SYNPO2: variants seen among roughly 807,000 people sequenced by gnomAD.
SYNPO2 encodes the protein synaptopodin-2.
SYNPO2 carries 56 observed loss-of-function variants against 85.0 expected under a neutral mutation model. The observed-to-expected ratio is 0.66, with a 90% CI of 0.53 to 0.82. SYNPO2 has a LOEUF of 0.82. Among genes scored for constraint, SYNPO2 ranks in the 40% least tolerant of loss-of-function variants. The pLI is 0.00. For synonymous variants in SYNPO2, 602 were observed against 591.1 expected (o/e 1.02, Z -0.27); for missense variants, 1,575 against 1,534.2 (o/e 1.03, Z -0.44).
At chr4:119,013,451 C>G (rs966763287) in intron 1 of SYNPO2, among the ~76,000 whole-genome samples, 1 of 152,120 alleles carries the variant, frequency 6.6e-6, no homozygotes, top group Non-Finnish European at 1.5e-5. Context: ...GCCATACTAG[C>G]CATTTTTTAA....
At chr4:118,920,897 CTT>C (rs1327297096) in intron 1 of SYNPO2, among the ~76,000 whole-genome samples, 1 of 145,692 alleles carries the variant, frequency 6.9e-6, no homozygotes, top group Non-Finnish European at 1.5e-5. Flanking sequence ...TTCTTTTTTC[CTT>C]TTTTTTTTTC....
At chr4:118,900,703 C>CTATATATATATATATA (rs373144800) in intron 1 of SYNPO2, among the ~76,000 whole-genome samples, 57 of 43,856 alleles carry the variant, frequency 1.3e-3, no homozygotes, top group Non-Finnish European at 2.1e-3. Context: ...CTCTCTCTCT[C>CTATATATATATATATA]TATATATATA....
intron 1 of SYNPO2, among the ~76,000 whole-genome samples, chr4:118,939,310 G>A (rs1565474): frequency 0.75 from 114,462 of 152,150 alleles, 44,732 homozygotes; most frequent in South Asian, 0.89. Context: ...ATATCCAAGA[G>A]CACAGTCTTA....
At chr4:118,903,810 C>G (rs1315847499) in intron 1 of SYNPO2, among the ~76,000 whole-genome samples, 2 of 151,836 alleles carry the variant, frequency 1.3e-5, no homozygotes, top group Non-Finnish European at 2.9e-5. Flanking sequence ...CTCCCTGGTT[C>G]AAGTGATTCT....
intron 1 of SYNPO2, among the ~76,000 whole-genome samples, chr4:118,867,177 T>C (rs948888212): frequency 6.6e-6 from 1 of 152,200 alleles, no homozygotes; most frequent in Non-Finnish European, 1.5e-5. Flanking sequence ...CCCTGGGCCA[T>C]AGTTTGCGAA....
intron 1 of SYNPO2, among the ~76,000 whole-genome samples, chr4:118,924,964 A>C (rs556221615): frequency 1.1e-4 from 17 of 152,136 alleles, no homozygotes; most frequent in Non-Finnish European, 2.4e-4. Flanking sequence ...TAGGCACGTA[A>C]AGTCTATCAC....
chr4:118,952,108 T>C (rs1734721885), intron 1 of SYNPO2, among the ~76,000 whole-genome samples: 1 of 152,184 alleles, frequency 6.6e-6, no homozygotes, highest in Non-Finnish European at 1.5e-5. Flanking sequence ...GAGAAGTGCA[T>C]GAGTCCCCAA....
chr4:119,019,519 TTGTC>T (rs1737640207), intron 1 of SYNPO2, among the ~76,000 whole-genome samples: 1 of 151,938 alleles, frequency 6.6e-6, no homozygotes, highest in Admixed American at 6.6e-5. Context: ...AGTCATAATA[TTGTC>T]TGTTTTAATT....
At chr4:118,989,344 A>G (rs1198486538) in intron 1 of SYNPO2, among the ~76,000 whole-genome samples, 1 of 152,204 alleles carries the variant, frequency 6.6e-6, no homozygotes. Context: ...TGTAACTGGG[A>G]ATAGCTAAGG....
In SYNPO2 at chr4:119,030,356, C is replaced by CGAT. The variant is rs757582005; in HGVS notation, c.1583_1585dup (p.Asp528dup). On this transcript the variant is annotated inframe_insertion, in exon 4 of 5. Coordinates refer to ENST00000307142, the MANE Select transcript of SYNPO2 (RefSeq NM_133477.3). Reference sequence around the variant, plus strand: ...GCAGAGAACAAGATGCTGCCCAGACCGATGGCCTGAGAACCACGACTTCTT... The same window carrying CGAT: ...GCAGAGAACAAGATGCTGCCCAGACCGATGATGGCCTGAGAACCACGACTTCTT... 1.2e-5 allele frequency: 20 copies of CGAT among 1,613,920 alleles called. No individual in the cohort carries two copies. Among genetic ancestry groups the CGAT allele is most frequent in the Admixed American group, 1.7e-5 (1 of 59,986 alleles).
intron 1 of SYNPO2, among the ~76,000 whole-genome samples, chr4:118,950,696 G>A (rs1446240837): frequency 6.6e-6 from 1 of 152,208 alleles, no homozygotes; most frequent in Non-Finnish European, 1.5e-5. Flanking sequence ...TCACAGGCAA[G>A]TGGACTATCT....
chr4:118,961,102 C>T (rs1296132466), intron 1 of SYNPO2, among the ~76,000 whole-genome samples: 1 of 110,202 alleles, frequency 9.1e-6, no homozygotes, highest in African/African-American at 3.6e-5. Flanking sequence ...TTTTACCGCC[C>T]CCCCCCCACC....
At chr4:118,982,476 T>C (rs1402605668) in intron 1 of SYNPO2, among the ~76,000 whole-genome samples, 1 of 151,954 alleles carries the variant, frequency 6.6e-6, no homozygotes, top group Non-Finnish European at 1.5e-5. Context: ...TGGGGGTCAA[T>C]CCAGATGAAT....
At chr4:119,021,129 G>A (rs1215202019) in intron 1 of SYNPO2, among the ~76,000 whole-genome samples, 1 of 152,158 alleles carries the variant, frequency 6.6e-6, no homozygotes, top group Non-Finnish European at 1.5e-5. Flanking sequence ...TCTACAGATT[G>A]TAATTTATGA....
rs1007850070 is a variant in SYNPO2, at chr4:119,021,827, T to C, written c.106-1603T>C. Among the ~76,000 whole-genome samples, 4 of 152,170 alleles carry C rather than the reference T, an allele frequency of 2.6e-5. No individual in the cohort carries two copies. In the South Asian group the frequency reaches 8.3e-4, roughly 31 times the overall value. On this transcript the variant is annotated intron_variant, in intron 1 of 4. Transcript: ENST00000307142. Reference sequence around the variant, plus strand: ...TTAAGGCAATGATAGAGGGGCAGGCTGACAGGAGCTGCAACTCTCTAGACT... The same window carrying C: ...TTAAGGCAATGATAGAGGGGCAGGCCGACAGGAGCTGCAACTCTCTAGACT...
intron 4 of SYNPO2, among the ~76,000 whole-genome samples, chr4:119,051,291 G>A (rs2149200425): frequency 7.2e-6 from 1 of 139,038 alleles, no homozygotes; most frequent in Non-Finnish European, 1.5e-5. Flanking sequence ...CCGGGTTCAC[G>A]CCATTCTCCT....
chr4:119,020,341 G>A (rs1274310098), intron 1 of SYNPO2, among the ~76,000 whole-genome samples: 1 of 152,160 alleles, frequency 6.6e-6, no homozygotes, highest in Admixed American at 6.6e-5. Flanking sequence ...CTGAAGGAAT[G>A]CTAATGACTC....
At position 119,031,755 on chromosome 4, in the gene SYNPO2, G is replaced by A; in HGVS notation, c.2980G>A (p.Val994Ile). Residue 994 changes from valine to isoleucine, a missense_variant, in exon 4 of 5, where the codon GTC becomes ATC. Around this residue, in one of 3 missense-constraint regions of SYNPO2, gnomAD observed 1,508 missense variants for 1,446.8 expected, o/e 1.04. Transcript: ENST00000307142. ...GGATGGCCTCCCCCAGAAGTCATCA[G>A]TCAAGGTCAATTCAGCCCTGGCCAT... is the stretch of plus-strand genomic sequence containing the variant. ...AKDGLPQKSS[V>I]KVNSALAMKQ... 6.2e-7 allele frequency: 1 copy of A among 1,614,210 alleles called. No homozygotes were observed. The highest frequency in any genetic ancestry group is 8.5e-7 in the Non-Finnish European group (1 of 1,180,036).
At chr4:119,000,911 A>G (rs889135426) in intron 1 of SYNPO2, among the ~76,000 whole-genome samples, 2 of 152,134 alleles carry the variant, frequency 1.3e-5, no homozygotes, top group African/African-American at 4.8e-5. Context: ...GAAAATCTGT[A>G]ACCACCTGAA....
Sources: allele counts gnomAD v4.1 joint callset (sites outside exome capture counted in the v4.1 genomes callset), GRCh38; gene constraint gnomAD v4.1.1; regional missense constraint gnomAD v4.1.1; transcripts MANE v1.5; gene names NCBI Gene and HGNC (gene_info 2026-07-23, HGNC 2026-07-21).